The following FCMR variants were observed in gnomAD, a reference collection of about 807,000 sequenced individuals.
The protein encoded by FCMR is Fc mu receptor, also known as immunoglobulin mu Fc receptor.
Under a neutral mutation model 41.6 loss-of-function variants are expected in FCMR, and 34 were observed. That is an observed-to-expected ratio of 0.82 (90% CI 0.62 to 1.09). FCMR has a LOEUF of 1.09. Among genes scored for constraint, FCMR ranks in the 50% least tolerant of loss-of-function variants. The pLI, the probability that FCMR is intolerant of heterozygous loss-of-function variation, is 0.00. For missense variants in FCMR, 496 were observed against 512.5 expected, an observed-to-expected ratio of 0.97 and a Z score of 0.31; for synonymous variants, 209 against 211.8, an observed-to-expected ratio of 0.99 and a Z score of 0.12.
chr1:206,909,839 C>T lies in FCMR; in HGVS notation c.871G>A (p.Val291Met). Residue 291 changes from valine to methionine, a missense_variant, in exon 6 of 8, where the codon GTG becomes ATG. By Grantham distance (21) the Val-to-Met change is conservative. Transcript: ENST00000367091. This position sits in a 1 kb window ranked among gnomAD's most constrained non-coding sequence, Gnocchi z 5.0. ...ALSRRARRLA[V>M]RMRALESSQR... ...GAGCTCTCCAGGGCGCGCATCCTCA[C>T]GGCCAGTCGGCGGGCCCGCCTGGAG... The T allele has an allele frequency of 1.4e-6, 2 of 1,387,864 alleles. No homozygotes were observed. Among genetic ancestry groups the T allele is most frequent in the Non-Finnish European group, 9.3e-7 (1 of 1,073,850 alleles). 86.0% of individuals were successfully genotyped at this position (1,387,864 alleles called of 1,614,324 possible).
chr1:206,915,989 G>A (rs1411325436), intron 1 of FCMR, among the ~76,000 whole-genome samples: 3 of 151,680 alleles, frequency 2.0e-5, no homozygotes, highest in Admixed American at 2.0e-4. Flanking sequence ...GGGGGAAAGG[G>A]GGTTGGGGCA....
At chr1:206,921,666 TCA>T in intron 1 of FCMR, 150 bp downstream of exon 1, 2 of 710,066 alleles carry the variant, frequency 2.8e-6, no homozygotes, top group Non-Finnish European at 5.0e-6. Flanking sequence ...ATCCAACACC[TCA>T]CATGGCCTCC....
At position 206,908,295 on chromosome 1, in the gene FCMR, A is replaced by G. The variant is rs1678768957; in HGVS notation, c.1044+1167T>C. 5 of 855,876 alleles carry G rather than the reference A, an allele frequency of 5.8e-6. No individual in the cohort carries two copies. In the Admixed American group the frequency reaches 8.5e-5, roughly 14 times the overall value. The allele number at this position is 855,876 out of a possible 1,614,324, so 53.0% of individuals were successfully genotyped here. ...TGCCCTTCCTCCATCGTCGCCCTGG[A>G]ATGTGCGGGACCCAGGGGCAGCAGC... On this transcript the variant is annotated intron_variant, in intron 7 of 7. Coordinates refer to ENST00000367091, the MANE Select transcript of FCMR (RefSeq NM_005449.5).
chr1:206,915,923 C>T (rs840270), intron 1 of FCMR, among the ~76,000 whole-genome samples: 88,790 of 150,744 alleles, frequency 0.59, 28,409 homozygotes, highest in African/African-American at 0.86. Flanking sequence ...GATAAAGACA[C>T]TCTGGGCAAA....
Position 206,911,790 on chromosome 1 carries a change from T to G in FCMR, c.650A>C (p.Glu217Ala). The G allele has an allele frequency of 6.2e-7, 1 of 1,612,378 alleles. No homozygotes were observed. The highest frequency in any genetic ancestry group is 8.5e-7 in the Non-Finnish European group (1 of 1,179,390). ...STTASKISAL[E>A]GLLKPQTPSY... ...GGGCGTCTGGGGCTTGAGCAGCCCC[T>G]CCAGAGCTGAGATTTTTGAGGCTGT... is the stretch of plus-strand genomic sequence containing the variant. Residue 217 changes from glutamate to alanine, a missense_variant, in exon 4 of 8, where the codon GAG becomes GCG. By Grantham distance (107) the Glu-to-Ala change is moderately radical. Transcript: ENST00000367091.
At chr1:206,910,010 A>G (rs1411544958) in intron 5 of FCMR, 142 bp from the exon 6 acceptor site, 1 of 1,165,266 alleles carries the variant, frequency 8.6e-7, no homozygotes, top group Non-Finnish European at 1.1e-6. Flanking sequence ...TGTACGAGGC[A>G]CGGCCTTGCC....
In FCMR at chr1:206,913,995, A is replaced by G. The variant is rs144545406; in HGVS notation, c.137T>C (p.Ile46Thr). Residue 46 changes from isoleucine (I) to threonine (T), a missense_variant, in exon 2 of 8, where the codon ATA (isoleucine) becomes ACA (threonine). Physicochemically the swap from Ile to Thr is moderately conservative, Grantham distance 89. Coordinates refer to ENST00000367091, the MANE Select transcript of FCMR (RefSeq NM_005449.5). ...KCPLPEMHVR[I>T]YLCREMAGSG... Reference sequence around the variant, plus strand: ...TCCAGCCATCTCCCGGCACAGATATATCCTCACATGCATTTCAGGAAGTGG... The same window carrying G: ...TCCAGCCATCTCCCGGCACAGATATGTCCTCACATGCATTTCAGGAAGTGG... 76 of 1,614,060 alleles carry G rather than the reference A, an allele frequency of 4.7e-5. No homozygotes were observed. In the Admixed American group the frequency reaches 1.1e-3, roughly 23 times the overall value.
intron 2 of FCMR, 150 bp downstream of exon 2, chr1:206,913,609 T>C: frequency 3.1e-6 from 2 of 639,794 alleles, no homozygotes; most frequent in East Asian, 5.3e-5. Flanking sequence ...TAATTGACTA[T>C]GAGGTTTCAT....
rs148250142 is a variant in FCMR, at chr1:206,909,071, G to T, written c.1044+391C>A. Among the ~76,000 whole-genome samples the T allele has an allele frequency of 2.9e-3, 437 of 152,258 alleles. 7 individuals carry two copies. Among genetic ancestry groups the T allele is most frequent in the Admixed American group, 8.0e-3 (122 of 15,300 alleles). ...TTTACTAGAAAGTTCTCGCGCACAG[G>T]AAGGTGAACTGTCTAGGTAGCTTCC... is the stretch of plus-strand genomic sequence containing the variant. On this transcript the variant is annotated intron_variant, in intron 7 of 7. Coordinates refer to ENST00000367091, the MANE Select transcript of FCMR (RefSeq NM_005449.5). This position sits in a 1 kb window ranked among gnomAD's most constrained non-coding sequence, Gnocchi z 5.0.
At chr1:206,910,168 T>C in intron 5 of FCMR, 42 bp downstream of exon 5, 1 of 1,534,880 alleles carries the variant, frequency 6.5e-7, no homozygotes, top group Non-Finnish European at 8.7e-7. Context: ...CTGTGGGCTC[T>C]TTGGGCAGCT....
chr1:206,906,179 AC>A, intron 7 of FCMR: 1 of 517,692 alleles, frequency 1.9e-6, no homozygotes, highest in South Asian at 1.5e-5. Context: ...CAAGATGTCA[AC>A]CCGAAGCAAA....
chr1:206,907,060 G>T (rs1282973980), intron 7 of FCMR, among the ~76,000 whole-genome samples: 1 of 137,632 alleles, frequency 7.3e-6, no homozygotes, highest in African/African-American at 2.7e-5. Context: ...CGGGGGTGGG[G>T]AAGGGCAAGC....
At position 206,920,979 on chromosome 1, in the gene FCMR, C is replaced by G. The variant is rs112683639; in HGVS notation, c.37+839G>C. 6.6e-3 allele frequency among the ~76,000 whole-genome samples: 1,000 copies of G among 152,008 alleles called. 14 individuals carry two copies. The highest frequency in any genetic ancestry group is 0.023 in the African/African-American group (971 of 41,340). On this transcript the variant is annotated intron_variant, in intron 1 of 7. Coordinates refer to ENST00000367091, the MANE Select transcript of FCMR (RefSeq NM_005449.5). ...TTGTGGCTGATGATCAGCGATACTT[C>G]AGACAGGTGAAATAGCTGGTTTGGA... is the stretch of plus-strand genomic sequence containing the variant.
intron 4 of FCMR, 103 bp downstream of exon 4, chr1:206,911,627 A>C: frequency 4.6e-6 from 5 of 1,093,526 alleles, no homozygotes; most frequent in Non-Finnish European, 6.9e-6. Context: ...ACAGTGGCCT[A>C]GAGACAAAGC....
intron 7 of FCMR, among the ~76,000 whole-genome samples, chr1:206,907,095 TG>T (rs1558645957): frequency 3.3e-4 from 4 of 12,080 alleles, no homozygotes; most frequent in African/African-American, 5.9e-4. Context: ...GGTGGGGGGG[TG>T]GGGGGGTGGG....
intron 7 of FCMR, chr1:206,908,284 C>G: frequency 1.0e-6 from 1 of 967,074 alleles, no homozygotes; most frequent in Non-Finnish European, 1.6e-6. Context: ...CTTCCTCCAT[C>G]GTCGCCCTGG....
At chr1:206,910,105 G>T (rs1678861874) in intron 5 of FCMR, 105 bp downstream of exon 5, 2 of 1,311,196 alleles carry the variant, frequency 1.5e-6, no homozygotes, top group Non-Finnish European at 2.0e-6. Flanking sequence ...ACCCCAGGCT[G>T]CTCATCAAAA....
At chr1:206,910,016 T>TTGCCC in intron 5 of FCMR, 148 bp from the exon 6 acceptor site, 1 of 1,153,120 alleles carries the variant, frequency 8.7e-7, no homozygotes, top group South Asian at 1.8e-5. Context: ...AGGCACGGCC[T>TTGCCC]TGCCCTGCCC....
At chr1:206,915,443 G>A (rs1345051164) in intron 1 of FCMR, among the ~76,000 whole-genome samples, 1 of 152,164 alleles carries the variant, frequency 6.6e-6, no homozygotes, top group Non-Finnish European at 1.5e-5. Context: ...GGGTGTGTGT[G>A]TATGTGTGCA....
Sources: gnomAD v4.1 joint callset for allele counts (sites outside exome capture counted in the v4.1 genomes callset) on GRCh38, gnomAD v4.1.1 for gene constraint, Gnocchi (gnomAD v3.1) non-coding constraint, MANE v1.5 for transcripts, NCBI Gene and HGNC (gene_info 2026-07-23, HGNC 2026-07-21) for gene names.